The following GNA13 variants were observed in gnomAD, a reference collection of about 807,000 sequenced individuals.
GNA13 encodes the protein guanine nucleotide-binding protein subunit alpha-13.
Under a neutral mutation model 33.5 loss-of-function variants are expected in GNA13, and 4 were observed. The observed-to-expected ratio is 0.12, with a 90% CI of 0.06 to 0.27. GNA13 has a LOEUF of 0.27. Among genes scored for constraint, GNA13 ranks in the 10% least tolerant of loss-of-function variants. The pLI is 1.00. For synonymous variants in GNA13, 176 were observed against 183.8 expected (o/e 0.96, Z 0.34); for missense variants, 319 against 487.2 (o/e 0.65, Z 3.25).
chr17:65,055,724 C>T (rs1908025368), intron 1 of GNA13: 5 of 985,432 alleles, frequency 5.1e-6, no homozygotes, highest in Non-Finnish European at 6.0e-6. Flanking sequence ...CAAAAGGAGG[C>T]TGTCACCCTA....
intron 2 of GNA13, among the ~76,000 whole-genome samples, chr17:65,049,818 C>T (rs1163680627): frequency 6.6e-6 from 1 of 152,224 alleles, no homozygotes; most frequent in African/African-American, 2.4e-5. Flanking sequence ...GTCTGAGCAT[C>T]TGCTTGTTTG....
chr17:65,056,261 G>GCC, intron 1 of GNA13, 50 bp downstream of exon 1: 4 of 560,700 alleles, frequency 7.1e-6, no homozygotes, highest in Non-Finnish European at 1.2e-5. Context: ...ACCCGCCGCC[G>GCC]CCCCAGCCCC....
chr17:65,029,032 A>C (rs1440074356), intron 2 of GNA13, among the ~76,000 whole-genome samples: 1 of 152,252 alleles, frequency 6.6e-6, no homozygotes, highest in Non-Finnish European at 1.5e-5. Context: ...AATGAGAAAC[A>C]TAAGGATGTT....
At chr17:65,028,429 A>C (rs1598485971) in intron 2 of GNA13, among the ~76,000 whole-genome samples, 1 of 148,820 alleles carries the variant, frequency 6.7e-6, no homozygotes, top group Non-Finnish European at 1.5e-5. Context: ...AAAAAAAAAT[A>C]CCACCTACCA....
At chr17:65,046,325 C>G (rs961784597) in intron 2 of GNA13, among the ~76,000 whole-genome samples, 1 of 152,056 alleles carries the variant, frequency 6.6e-6, no homozygotes, top group Non-Finnish European at 1.5e-5. Context: ...GGATCTCACT[C>G]TGTTGGCCAG....
intron 2 of GNA13, among the ~76,000 whole-genome samples, chr17:65,038,124 G>A (rs1001483067): frequency 6.6e-6 from 1 of 152,106 alleles, no homozygotes; most frequent in African/African-American, 2.4e-5. Context: ...CACATTTATG[G>A]CCGGGTGCAG....
At chr17:65,049,555 T>C (rs1907787638) in intron 2 of GNA13, among the ~76,000 whole-genome samples, 1 of 152,176 alleles carries the variant, frequency 6.6e-6, no homozygotes, top group South Asian at 2.1e-4. Context: ...GCTGTGACTC[T>C]AACACACATA....
intron 2 of GNA13, among the ~76,000 whole-genome samples, chr17:65,026,216 C>A (rs1365323205): frequency 2.0e-5 from 3 of 149,134 alleles, no homozygotes; most frequent in Admixed American, 6.6e-5. Context: ...AAAAAAAAAA[C>A]CATAAGACAA....
chr17:65,029,824 T>C (rs1050031667), intron 2 of GNA13, among the ~76,000 whole-genome samples: 1 of 152,166 alleles, frequency 6.6e-6, no homozygotes, highest in Non-Finnish European at 1.5e-5. Flanking sequence ...TTATTATTTC[T>C]ACAAATGTCA....
At chr17:65,028,281 T>C (rs1431923147) in intron 2 of GNA13, among the ~76,000 whole-genome samples, 2 of 151,918 alleles carry the variant, frequency 1.3e-5, no homozygotes, top group Non-Finnish European at 1.5e-5. Flanking sequence ...GATGGGCTCC[T>C]GTAGTCTCAG....
rs3830470 is a variant in GNA13 at position 65,056,596 on chromosome 17, T to TGCC, written c.-6_-4dup. On this transcript the variant is annotated 5_prime_UTR_variant, in exon 1 of 4. Coordinates refer to ENST00000439174, the MANE Select transcript of GNA13 (RefSeq NM_006572.6). ...CGCGACGGCAGGAAGTCCGCCATCT[T>TGCC]GCCGCCGCCGCCGCCGCCTCGGCGG... 111,461 of 1,592,454 alleles carry TGCC rather than the reference T, an allele frequency of 0.07. 4,078 individuals carry two copies. Among genetic ancestry groups the TGCC allele is most frequent in the South Asian group, 0.084 (7,581 of 90,148 alleles).
intron 3 of GNA13, 119 bp downstream of exon 3, chr17:65,018,134 A>AAG (rs1906445973): frequency 1.3e-4 from 13 of 101,742 alleles, no homozygotes; most frequent in East Asian, 4.9e-4. Flanking sequence ...AAAAAAAAAA[A>AAG]AAAAAGAGAG....
intron 1 of GNA13, 59 bp downstream of exon 1, chr17:65,056,252 C>CCCCCCCCCCCCCCCCCCCCCCCCCGG: frequency 9.3e-7 from 1 of 1,072,616 alleles, no homozygotes; most frequent in Non-Finnish European, 1.3e-6. Flanking sequence ...CCGCCCCGCA[C>CCCCCCCCCCCCCCCCCCCCCCCCCGG]CCGCCGCCGC....
Position 65,011,800 on chromosome 17 carries a change from G to A in GNA13, c.*2457C>T. 1 of 228,488 alleles carries A rather than the reference G, an allele frequency of 4.4e-6. No individual in the cohort carries two copies. The highest frequency in any genetic ancestry group is 6.3e-5 in the East Asian group (1 of 15,892). The allele number at this position is 228,488 out of a possible 1,614,324, so 14.2% of individuals were successfully genotyped here. A position where few individuals can be genotyped will look rare whatever the true frequency, so the allele number is the denominator to read the frequency against. On this transcript the variant is annotated 3_prime_UTR_variant, in exon 4 of 4. Coordinates refer to ENST00000439174, the MANE Select transcript of GNA13 (RefSeq NM_006572.6). The stretch of plus-strand genomic sequence containing the variant: ...GTAAGTTTGCATAGTGAAATTATGA[G>A]CACCTTTTCAATTCTGTTCACTAAA...
intron 2 of GNA13, among the ~76,000 whole-genome samples, chr17:65,039,894 T>G (rs540238105): frequency 6.6e-6 from 1 of 152,348 alleles, no homozygotes; most frequent in Non-Finnish European, 1.5e-5. Flanking sequence ...ACCAGTGAAC[T>G]GTTACCAGAC....
intron 2 of GNA13, among the ~76,000 whole-genome samples, chr17:65,039,770 G>T (rs1392126012): frequency 6.6e-6 from 1 of 152,102 alleles, no homozygotes; most frequent in Non-Finnish European, 1.5e-5. Context: ...AGCATCTAAC[G>T]TCAACGCAGA....
rs546573633 is a variant in GNA13, at chr17:65,040,038, T to C, written c.510+13464A>G. 1.3e-3 allele frequency among the ~76,000 whole-genome samples: 192 copies of C among 152,244 alleles called. 1 individual carries two copies. In the South Asian group the frequency reaches 0.014, roughly 11 times the overall value. On this transcript the variant is annotated intron_variant, in intron 2 of 3. Coordinates refer to ENST00000439174, the MANE Select transcript of GNA13 (RefSeq NM_006572.6). ...CATATACAAATATCACATGAACATA[T>C]TCTTACCAGAAAAAGTATTTCTATA...
intron 2 of GNA13, among the ~76,000 whole-genome samples, chr17:65,046,962 G>A (rs1052579092): frequency 6.6e-5 from 10 of 152,006 alleles, no homozygotes; most frequent in African/African-American, 1.9e-4. Context: ...AAAAAAATGC[G>A]AACATGAAAA....
chr17:65,027,117 A>G (rs941765885), intron 2 of GNA13, among the ~76,000 whole-genome samples: 6 of 151,326 alleles, frequency 4.0e-5, no homozygotes, highest in African/African-American at 1.5e-4. Context: ...TACTTTCTGA[A>G]GCAGAAGGAA....
Sources: allele counts gnomAD v4.1 joint callset (sites outside exome capture counted in the v4.1 genomes callset), GRCh38; gene constraint gnomAD v4.1.1; transcripts MANE v1.5; gene names NCBI Gene and HGNC (gene_info 2026-07-23, HGNC 2026-07-21).